Variants in FSTL5 observed in about 807,000 individuals in gnomAD.
FSTL5 encodes follistatin-related protein 5.
In FSTL5, 62 loss-of-function variants were observed where a neutral mutation model predicts 89.1. The observed-to-expected ratio is 0.70, with a 90% CI of 0.57 to 0.86. The LOEUF (loss-of-function observed/expected upper bound fraction) is 0.86. FSTL5 is among the 40% of genes least tolerant of loss of function. The pLI is 0.00. For synonymous variants in FSTL5, 383 were observed against 346.2 expected (o/e 1.11, Z -1.18); for missense variants, 1,057 against 1,001.6 (o/e 1.06, Z -0.75).
At chr4:161,672,262 G>A (rs1003981278) in intron 6 of FSTL5, among the ~76,000 whole-genome samples, 1 of 152,042 alleles carries the variant, frequency 6.6e-6, no homozygotes, top group Non-Finnish European at 1.5e-5. Flanking sequence ...AGTTTACAAA[G>A]TTTGCAATTA....
intron 6 of FSTL5, among the ~76,000 whole-genome samples, chr4:161,722,465 A>C (rs559362547): frequency 6.6e-6 from 1 of 152,210 alleles, no homozygotes; most frequent in Admixed American, 6.5e-5. Context: ...TTACAGATAA[A>C]TCTCATTTGA....
At chr4:161,457,774 A>C (rs1733412970) in intron 14 of FSTL5, among the ~76,000 whole-genome samples, 1 of 152,158 alleles carries the variant, frequency 6.6e-6, no homozygotes, top group African/African-American at 2.4e-5. Context: ...TTTATCTTGC[A>C]AAGAGTATAC....
At chr4:161,553,612 C>T (rs1040518467) in intron 8 of FSTL5, among the ~76,000 whole-genome samples, 1 of 150,940 alleles carries the variant, frequency 6.6e-6, no homozygotes, top group African/African-American at 2.4e-5. Context: ...AAAAAAAATA[C>T]ATTCTTAGCT....
chr4:162,014,638 T>G (rs1736864371), intron 3 of FSTL5, among the ~76,000 whole-genome samples: 3 of 152,194 alleles, frequency 2.0e-5, no homozygotes, highest in Admixed American at 1.3e-4. Flanking sequence ...CATGCTGTGG[T>G]TCTCCTGGGT....
At chr4:161,689,932 TATC>T (rs1207878927) in intron 6 of FSTL5, among the ~76,000 whole-genome samples, 2 of 152,184 alleles carry the variant, frequency 1.3e-5, no homozygotes, top group Non-Finnish European at 2.9e-5. Flanking sequence ...TTGTTTCACT[TATC>T]ATACTTTCGA....
chr4:162,064,186 T>C (rs1738813080), intron 2 of FSTL5, among the ~76,000 whole-genome samples: 1 of 152,060 alleles, frequency 6.6e-6, no homozygotes, highest in African/African-American at 2.4e-5. Context: ...AACCATTTGT[T>C]ACCTTATTAG....
chr4:162,126,489 AACTT>A (rs1330340165), intron 1 of FSTL5, among the ~76,000 whole-genome samples: 1 of 151,868 alleles, frequency 6.6e-6, no homozygotes, highest in Non-Finnish European at 1.5e-5. Flanking sequence ...CTTTTTATTA[AACTT>A]ACTTTTTCTC....
At chr4:161,742,623 G>C (rs28647531) in intron 6 of FSTL5, among the ~76,000 whole-genome samples, 1 of 152,050 alleles carries the variant, frequency 6.6e-6, no homozygotes, top group Non-Finnish European at 1.5e-5. Flanking sequence ...GCAGTGACGC[G>C]CCAGAAGAGA....
At chr4:161,714,143 CTT>C (rs1289912024) in intron 6 of FSTL5, among the ~76,000 whole-genome samples, 1 of 152,128 alleles carries the variant, frequency 6.6e-6, no homozygotes, top group Non-Finnish European at 1.5e-5. Flanking sequence ...TCAAAACACT[CTT>C]TGTGAAGAGC....
intron 15 of FSTL5, among the ~76,000 whole-genome samples, chr4:161,423,623 A>T (rs1578962053): frequency 6.6e-6 from 1 of 151,988 alleles, no homozygotes; most frequent in Admixed American, 6.5e-5. Flanking sequence ...TTTTCATTCA[A>T]TATTAGCTTG....
intron 4 of FSTL5, among the ~76,000 whole-genome samples, chr4:161,818,037 C>T (rs1034875528): frequency 6.6e-6 from 1 of 152,154 alleles, no homozygotes; most frequent in Non-Finnish European, 1.5e-5. Flanking sequence ...TGCCATGCCC[C>T]CATCCTGTGC....
At chr4:162,008,299 T>C (rs1000680318) in intron 3 of FSTL5, among the ~76,000 whole-genome samples, 1 of 151,812 alleles carries the variant, frequency 6.6e-6, no homozygotes, top group Non-Finnish European at 1.5e-5. Flanking sequence ...GTTATAATAA[T>C]AGTTCAATGT....
chr4:161,983,874 G>A (rs1170252351), intron 3 of FSTL5, among the ~76,000 whole-genome samples: 1 of 151,890 alleles, frequency 6.6e-6, no homozygotes, highest in African/African-American at 2.4e-5. Context: ...GGTTTCCAAT[G>A]TTGAATTTCT....
intron 1 of FSTL5, among the ~76,000 whole-genome samples, chr4:162,126,133 A>G (rs1350247106): frequency 6.6e-6 from 1 of 152,100 alleles, no homozygotes; most frequent in Admixed American, 6.5e-5. Flanking sequence ...ATTAAAGTCA[A>G]TAGTTACTTA....
chr4:161,884,806 G>A (rs1038560311), intron 4 of FSTL5, among the ~76,000 whole-genome samples: 1 of 151,972 alleles, frequency 6.6e-6, no homozygotes, highest in East Asian at 1.9e-4. Flanking sequence ...CAGACTATCC[G>A]GCTTTTTAAA....
At chr4:161,751,708 G>A (rs1490247988) in intron 6 of FSTL5, among the ~76,000 whole-genome samples, 1 of 151,758 alleles carries the variant, frequency 6.6e-6, no homozygotes, top group Non-Finnish European at 1.5e-5. Flanking sequence ...TTGAGCCCAG[G>A]AGCTCAAGGC....
intron 7 of FSTL5, among the ~76,000 whole-genome samples, chr4:161,605,978 C>T (rs914490846): frequency 6.6e-5 from 10 of 152,122 alleles, no homozygotes; most frequent in Non-Finnish European, 2.9e-5. Context: ...TCTATTATTG[C>T]GTGACATGGC....
chr4:161,547,024 G>A (rs566502060), intron 8 of FSTL5, among the ~76,000 whole-genome samples: 6 of 152,106 alleles, frequency 3.9e-5, no homozygotes, highest in South Asian at 2.1e-4. Context: ...TATTTTCATC[G>A]TTCTCTTGCT....
chr4:161,482,325 A>C (rs1340373025), intron 12 of FSTL5, among the ~76,000 whole-genome samples: 3 of 152,168 alleles, frequency 2.0e-5, no homozygotes, highest in Non-Finnish European at 2.9e-5. Context: ...CAAAAAAAAA[A>C]ATTATGTGCA....
Sources: allele counts gnomAD v4.1 joint callset (sites outside exome capture counted in the v4.1 genomes callset), GRCh38; gene constraint gnomAD v4.1.1; transcripts MANE v1.5; gene names NCBI Gene and HGNC (gene_info 2026-07-23, HGNC 2026-07-21).